Variants in ZCCHC24 observed in about 807,000 individuals in gnomAD.
The protein encoded by ZCCHC24 is zinc finger CCHC-type containing 24, also known as zinc finger CCHC domain-containing protein 24.
A neutral mutation model predicts 26.2 loss-of-function variants in ZCCHC24; 10 were observed. The observed-to-expected ratio is 0.38, with a 90% confidence interval of 0.24 to 0.65. The LOEUF (loss-of-function observed/expected upper bound fraction) is 0.65, where lower values mean the gene tolerates loss of function less well. Ranked by LOEUF, ZCCHC24 falls within the 30% of genes least tolerant of loss-of-function variation. The pLI is 0.54. For missense variants in ZCCHC24, 243 were observed against 329.1 expected (o/e 0.74, Z 2.03); for synonymous variants, 144 against 147.1 (o/e 0.98, Z 0.15).
intron 3 of ZCCHC24, among the ~76,000 whole-genome samples, chr10:79,393,128 C>T (rs1033505592): frequency 6.6e-6 from 1 of 152,202 alleles, no homozygotes; most frequent in Non-Finnish European, 1.5e-5. Context: ...TCTACTCTGT[C>T]TACATTCTTT....
chr10:79,425,224 G>T (rs1032655383), intron 2 of ZCCHC24, among the ~76,000 whole-genome samples: 1 of 152,196 alleles, frequency 6.6e-6, no homozygotes, highest in African/African-American at 2.4e-5. Context: ...AGGCCAAAAC[G>T]AGATACCAGG....
At chr10:79,435,494 C>T (rs781704141) in intron 1 of ZCCHC24, among the ~76,000 whole-genome samples, 5 of 152,240 alleles carry the variant, frequency 3.3e-5, no homozygotes, top group Non-Finnish European at 7.3e-5. Flanking sequence ...GCCCCTGCCC[C>T]AGGCAGCTCC....
intron 2 of ZCCHC24, among the ~76,000 whole-genome samples, chr10:79,406,083 G>A (rs1197814082): frequency 1.3e-5 from 2 of 152,244 alleles, no homozygotes; most frequent in Non-Finnish European, 2.9e-5. Flanking sequence ...ACAGACCGGG[G>A]TGGAGAGTGC....
At chr10:79,433,765 A>G (rs929052158) in intron 1 of ZCCHC24, among the ~76,000 whole-genome samples, 1 of 152,254 alleles carries the variant, frequency 6.6e-6, no homozygotes, top group East Asian at 1.9e-4. Flanking sequence ...TGTTTTGGGG[A>G]GTTCCAGGCT....
At chr10:79,430,750 G>T (rs150421107) in intron 2 of ZCCHC24, among the ~76,000 whole-genome samples, 136 of 150,020 alleles carry the variant, frequency 9.1e-4, no homozygotes, top group African/African-American at 3.1e-3. Context: ...CACATCCATT[G>T]CCTTTGGATA....
At position 79,432,727 on chromosome 10, in the gene ZCCHC24, G is replaced by A; in HGVS notation, c.278C>T (p.Ser93Leu). 6.2e-7 allele frequency: 1 copy of A among 1,610,532 alleles called. No homozygotes were observed. Residue 93 changes from serine (S) to leucine (L), a missense_variant, in exon 2 of 4, where the codon TCA becomes TTA. Coordinates refer to ENST00000372336, the MANE Select transcript of ZCCHC24 (RefSeq NM_153367.4). ...ALSNSVYKGASPYGSLNNIAD... is the reference protein window; with the variant it reads ...ALSNSVYKGALPYGSLNNIAD... The stretch of plus-strand genomic sequence containing the variant: ...GATGTTGTTGAGGGAGCCATAGGGT[G>A]AGGCGCCCTTGTACACACTGTTGCT...
chr10:79,423,915 G>A (rs1488402400), intron 2 of ZCCHC24, among the ~76,000 whole-genome samples: 1 of 151,222 alleles, frequency 6.6e-6, no homozygotes, highest in Non-Finnish European at 1.5e-5. Context: ...CTACTCTGGA[G>A]GCTGAGGCAG....
intron 1 of ZCCHC24, chr10:79,444,101 C>A: frequency 6.5e-7 from 1 of 1,544,920 alleles, no homozygotes; most frequent in Non-Finnish European, 8.7e-7. Context: ...CTAAAACTCA[C>A]CGGTGTGCCC....
intron 2 of ZCCHC24, among the ~76,000 whole-genome samples, chr10:79,419,213 G>C (rs1477060206): frequency 6.6e-6 from 1 of 152,204 alleles, no homozygotes; most frequent in Admixed American, 6.5e-5. Context: ...AATGAGGGCA[G>C]ATCTGGCTCA....
chr10:79,394,429 T>G lies in ZCCHC24; in HGVS notation c.459A>C (p.Lys153Asn). The part of the protein sequence containing the change: ...YIKDCPQARP[K>N]GEGLTPYQGK... The stretch of plus-strand genomic sequence containing the variant: ...CCTGGTATGGAGTCAGGCCCTCGCC[T>G]TTGGGGCGTGCCTACAGGGCAGGAA... The change falls in exon 3 of 4, where the codon AAA becomes AAC. Residue 153 changes from lysine to asparagine, a missense_variant. Around this residue, in one of 2 missense-constraint regions of ZCCHC24, gnomAD observed 96 missense variants for 178.3 expected, o/e 0.54. Coordinates refer to ENST00000372336, the MANE Select transcript of ZCCHC24 (RefSeq NM_153367.4). 6.2e-7 allele frequency: 1 copy of G among 1,613,978 alleles called. No homozygotes were observed. Among genetic ancestry groups the G allele is most frequent in the Non-Finnish European group, 8.5e-7 (1 of 1,179,870 alleles).
In ZCCHC24 at chr10:79,432,201, C is replaced by T. The variant is rs530996108; in HGVS notation, c.447+357G>A. 5.1e-4 allele frequency among the ~76,000 whole-genome samples: 78 copies of T among 152,362 alleles called. 1 individual carries two copies. The South Asian group carries it at 0.016, about 31-fold the overall frequency. ...CCCCGTGAATGTGATGAGATGGGGCCTCCAGGGAGCTGTGAGGAGACTGCC... is the reference window on the plus strand; with the variant it reads ...CCCCGTGAATGTGATGAGATGGGGCTTCCAGGGAGCTGTGAGGAGACTGCC... On this transcript the variant is annotated intron_variant, in intron 2 of 3. Coordinates refer to ENST00000372336, the MANE Select transcript of ZCCHC24 (RefSeq NM_153367.4).
intron 1 of ZCCHC24, among the ~76,000 whole-genome samples, chr10:79,441,079 A>AACAAACACACACACAC (rs1957887501): frequency 1.5e-5 from 2 of 135,580 alleles, no homozygotes; most frequent in African/African-American, 5.7e-5. Flanking sequence ...CTGCCCCCTA[A>AACAAACACACACACAC]ACACACACAC....
At chr10:79,394,557 CTT>C in intron 2 of ZCCHC24, 117 bp from the exon 3 acceptor site, 1 of 1,480,932 alleles carries the variant, frequency 6.8e-7, no homozygotes, top group Non-Finnish European at 8.9e-7. Flanking sequence ...GTGCAGGCAC[CTT>C]TTGTCCCCAG....
chr10:79,390,410 A>G (rs566488765), intron 3 of ZCCHC24, among the ~76,000 whole-genome samples: 3 of 152,322 alleles, frequency 2.0e-5, no homozygotes, highest in South Asian at 2.1e-4. Flanking sequence ...GTTGGCCAGT[A>G]TTGGTATCAT....
chr10:79,396,035 C>A (rs906250247), intron 2 of ZCCHC24, among the ~76,000 whole-genome samples: 2 of 152,218 alleles, frequency 1.3e-5, no homozygotes, highest in Admixed American at 6.5e-5. Context: ...CAGCCCTAGG[C>A]AGCCACTAGT....
chr10:79,438,697 A>G (rs910329752), intron 1 of ZCCHC24, among the ~76,000 whole-genome samples: 3 of 152,206 alleles, frequency 2.0e-5, no homozygotes, highest in Non-Finnish European at 4.4e-5. Context: ...TTTAAATCAC[A>G]AGTCTAGGTT....
rs763609537 is a variant in ZCCHC24 at position 79,432,651 on chromosome 10, G to A, written c.354C>T (p.Thr118=). The stretch of plus-strand genomic sequence containing the variant: ...GCTTGCTGGGCTTGCGAGCCTCGGA[G>A]GTGAGGGTCAGGTCTGAGAAGTGCT... ...LTEHFSDLTL[T]SEARKPSKRP... The change falls in exon 2 of 4, where the codon ACC becomes ACT. Residue 118 remains threonine, a synonymous_variant. Transcript: ENST00000372336. The A allele has an allele frequency of 1.2e-6, 2 of 1,609,642 alleles. No individual in the cohort carries two copies. The highest frequency in any genetic ancestry group is 1.7e-5 in the Admixed American group (1 of 58,954).
At chr10:79,408,510 C>T (rs996874299) in intron 2 of ZCCHC24, among the ~76,000 whole-genome samples, 1 of 152,188 alleles carries the variant, frequency 6.6e-6, no homozygotes, top group African/African-American at 2.4e-5. Context: ...CCCTCGACAA[C>T]TATGAATTAG....
At chr10:79,389,528 TAG>T (rs1856443968) in intron 3 of ZCCHC24, among the ~76,000 whole-genome samples, 1 of 65,198 alleles carries the variant, frequency 1.5e-5, no homozygotes, top group Admixed American at 1.7e-4. Context: ...GACTTTTTCC[TAG>T]TGTGTGTGTG....
Sources: allele counts gnomAD v4.1 joint callset (sites outside exome capture counted in the v4.1 genomes callset), GRCh38; gene constraint gnomAD v4.1.1; regional missense constraint gnomAD v4.1.1; transcripts MANE v1.5; gene names NCBI Gene and HGNC (gene_info 2026-07-23, HGNC 2026-07-21).